MED27: variants seen among roughly 807,000 people sequenced by gnomAD.
MED27 encodes mediator of RNA polymerase II transcription subunit 27.
In MED27, 30 loss-of-function variants were observed where a neutral mutation model predicts 38.2. The observed-to-expected ratio is 0.79, with a 90% confidence interval of 0.59 to 1.07. The LOEUF (loss-of-function observed/expected upper bound fraction) is 1.07, where lower values mean the gene tolerates loss of function less well. Among genes scored for constraint, MED27 ranks in the 50% least tolerant of loss-of-function variants. The pLI, the probability that MED27 is intolerant of heterozygous loss-of-function variation, is 0.00. For missense variants in MED27, 289 were observed against 397.5 expected (o/e 0.73, Z 2.32); for synonymous variants, 122 against 153.5 (o/e 0.79, Z 1.52).
At position 131,997,563 on chromosome 9, in the gene MED27, TC is replaced by T. The variant is rs1832118278; in HGVS notation, c.479+16773del. 6.6e-6 allele frequency among the ~76,000 whole-genome samples: 1 copy of T among 152,200 alleles called. No homozygotes were observed. The highest frequency in any genetic ancestry group is 6.5e-5 in the Admixed American group (1 of 15,278). Reference sequence around the variant, plus strand: ...TGTAGGCTGCCATCTCCCCCAGCAGTCCTGCTTCCTCCCACTTTCTTTCACA... The same window carrying T: ...TGTAGGCTGCCATCTCCCCCAGCAGTCTGCTTCCTCCCACTTTCTTTCACA... On this transcript the variant is annotated intron_variant, in intron 3 of 7. Coordinates refer to ENST00000292035, the MANE Select transcript of MED27 (RefSeq NM_004269.4). This position sits in a 1 kb window ranked among gnomAD's most constrained non-coding sequence, Gnocchi z 4.0.
chr9:131,873,677 T>G (rs888749200), intron 6 of MED27, among the ~76,000 whole-genome samples: 2 of 152,170 alleles, frequency 1.3e-5, no homozygotes, highest in Non-Finnish European at 2.9e-5. Context: ...CATGCTGCTC[T>G]GGGATGAGAC....
intron 3 of MED27, among the ~76,000 whole-genome samples, chr9:131,951,768 G>A (rs1361551405): frequency 6.6e-6 from 1 of 152,176 alleles, no homozygotes; most frequent in Admixed American, 6.5e-5. Flanking sequence ...AAAAAGGTTA[G>A]GAACTTCTGT....
Position 132,010,667 on chromosome 9 carries a change from T to C in MED27, c.479+3670A>G, listed in dbSNP as rs555551560. On this transcript the variant is annotated intron_variant, in intron 3 of 7. Coordinates refer to ENST00000292035, the MANE Select transcript of MED27 (RefSeq NM_004269.4). ...TCAATGATAGACTGGATTAAGAAAA[T>C]GTGGCACATATACACCACGGAATAC... Among the ~76,000 whole-genome samples, 380 of 152,194 alleles carry C rather than the reference T, an allele frequency of 2.5e-3. 2 individuals carry two copies. The highest frequency in any genetic ancestry group is 4.6e-3 in the Non-Finnish European group (314 of 67,994).
At chr9:131,961,999 G>A (rs1831226068) in intron 3 of MED27, among the ~76,000 whole-genome samples, 1 of 152,188 alleles carries the variant, frequency 6.6e-6, no homozygotes, top group South Asian at 2.1e-4. Context: ...AGGATAGCTA[G>A]TCTAAATTTG....
rs1484463695 is a variant in MED27, at chr9:131,862,829, C to G, written c.801+234G>C. 5.3e-5 allele frequency among the ~76,000 whole-genome samples: 8 copies of G among 152,342 alleles called. No homozygotes were observed. Among genetic ancestry groups the G allele is most frequent in the Admixed American group, 2.0e-4 (3 of 15,302 alleles). On this transcript the variant is annotated intron_variant, in intron 7 of 7. Coordinates refer to ENST00000292035, the MANE Select transcript of MED27 (RefSeq NM_004269.4). The surrounding 1 kb of genome is among the most constrained non-coding windows in gnomAD (Gnocchi z 4.6). ...CTGGAACTATTTTGGAAGATCATTT[C>G]TGAAACCACCGCTTTTTCAGCAAGT...
At chr9:132,073,808 C>G in intron 2 of MED27, 1 of 1,473,006 alleles carries the variant, frequency 6.8e-7, no homozygotes, top group Non-Finnish European at 8.9e-7. Flanking sequence ...GCTCTGGGCC[C>G]ATTTCCCAAG....
intron 6 of MED27, among the ~76,000 whole-genome samples, chr9:131,870,655 G>C (rs1398622350): frequency 7.9e-5 from 12 of 152,146 alleles, no homozygotes; most frequent in Middle Eastern, 3.2e-3. Flanking sequence ...GTGGACAGGG[G>C]TTGTGGGGGG....
chr9:131,912,246 G>C (rs533477985), intron 4 of MED27, among the ~76,000 whole-genome samples: 6 of 152,286 alleles, frequency 3.9e-5, no homozygotes, highest in Non-Finnish European at 5.9e-5. Context: ...GATTCAGTGT[G>C]TATGAATTAA....
intron 6 of MED27, among the ~76,000 whole-genome samples, chr9:131,876,707 T>G (rs957205708): frequency 1.3e-5 from 2 of 152,124 alleles, no homozygotes; most frequent in Admixed American, 1.3e-4. Flanking sequence ...CCCTCAGGGA[T>G]GCCCTGGGAC....
intron 3 of MED27, among the ~76,000 whole-genome samples, chr9:131,952,284 C>T (rs971090666): frequency 1.3e-5 from 2 of 152,208 alleles, no homozygotes; most frequent in African/African-American, 4.8e-5. Flanking sequence ...TTTCTCCAAT[C>T]CTACAGCAGG....
At chr9:132,002,271 C>T (rs1832252098) in intron 3 of MED27, among the ~76,000 whole-genome samples, 1 of 152,162 alleles carries the variant, frequency 6.6e-6, no homozygotes, top group Admixed American at 6.5e-5. Context: ...TTAATGTCTC[C>T]GCAAGCTAGA....
chr9:131,979,584 G>C (rs1190966711), intron 3 of MED27, among the ~76,000 whole-genome samples: 1 of 151,260 alleles, frequency 6.6e-6, no homozygotes, highest in Non-Finnish European at 1.5e-5. Context: ...TCTGCCATCC[G>C]CCTTGCAGAG....
At chr9:132,035,276 T>A (rs756832748) in intron 2 of MED27, among the ~76,000 whole-genome samples, 1 of 152,222 alleles carries the variant, frequency 6.6e-6, no homozygotes, top group Non-Finnish European at 1.5e-5. Context: ...ATTCATTCAA[T>A]AATGAATAAT....
At chr9:131,925,249 A>AT (rs1037049990) in intron 4 of MED27, among the ~76,000 whole-genome samples, 1 of 152,156 alleles carries the variant, frequency 6.6e-6, no homozygotes, top group African/African-American at 2.4e-5. Context: ...TTTTATTCTT[A>AT]TTTTTTTGTG....
chr9:132,045,144 A>C (rs1336270541), intron 2 of MED27, among the ~76,000 whole-genome samples: 1 of 152,226 alleles, frequency 6.6e-6, no homozygotes, highest in Non-Finnish European at 1.5e-5. Context: ...CTTTAAAAAA[A>C]CAAAAATGTC....
intron 2 of MED27, among the ~76,000 whole-genome samples, chr9:132,068,687 C>G (rs533209901): frequency 6.6e-6 from 1 of 151,952 alleles, no homozygotes. Context: ...CATCCCACCA[C>G]GAGAAGCAGG....
chr9:131,948,502 C>CA (rs79571086), intron 3 of MED27, among the ~76,000 whole-genome samples: 238 of 143,128 alleles, frequency 1.7e-3, no homozygotes, highest in East Asian at 0.015. Flanking sequence ...AAAACAAAAA[C>CA]AAAAAAAAAA....
intron 3 of MED27, among the ~76,000 whole-genome samples, chr9:132,014,075 G>T (rs1413741030): frequency 6.6e-6 from 1 of 151,516 alleles, no homozygotes; most frequent in Admixed American, 6.6e-5. Context: ...GCATGGTGGT[G>T]TGCGCTTGTA....
At position 131,939,402 on chromosome 9, in the gene MED27, A is replaced by T; in HGVS notation, c.552T>A (p.Asn184Lys). ...TTACCAGAAGCATTGCTGATGTTCC[A>T]TTGGGTCTGGATAAGTGGATGGACA... ...PEMSIHLSRP[N>K]GTSAMLLVTL... The change falls in exon 4 of 8, where the codon AAT becomes AAA. Residue 184 changes from asparagine (N) to lysine (K), a missense_variant. Coordinates refer to ENST00000292035, the MANE Select transcript of MED27 (RefSeq NM_004269.4). 1 of 1,610,708 alleles carries T rather than the reference A, an allele frequency of 6.2e-7. No individual in the cohort carries two copies. Among genetic ancestry groups the T allele is most frequent in the Non-Finnish European group, 8.5e-7 (1 of 1,178,642 alleles).
Sources: allele counts gnomAD v4.1 joint callset (sites outside exome capture counted in the v4.1 genomes callset), GRCh38; gene constraint gnomAD v4.1.1; non-coding constraint Gnocchi (gnomAD v3.1); transcripts MANE v1.5; gene names NCBI Gene and HGNC (gene_info 2026-07-23, HGNC 2026-07-21).